The following LCORL variants were observed in gnomAD, a reference collection of about 807,000 sequenced individuals.
LCORL encodes the protein ligand-dependent nuclear receptor corepressor-like protein.
In LCORL, 41 loss-of-function variants were observed where a neutral mutation model predicts 141.8. The ratio of observed to expected loss-of-function variants is 0.29; its 90% CI spans 0.23 to 0.38. LCORL has a LOEUF of 0.38. LCORL is among the 10% of genes least tolerant of loss of function. LCORL has a pLI of 1.00. For synonymous variants in LCORL, 618 were observed against 694.1 expected, an observed-to-expected ratio of 0.89 and a Z score of 1.72; for missense variants, 1,759 against 2,035.0, an observed-to-expected ratio of 0.86 and a Z score of 2.61.
chr4:17,903,802 A>G (rs1230225722), intron 5 of LCORL, among the ~76,000 whole-genome samples: 1 of 152,056 alleles, frequency 6.6e-6, no homozygotes, highest in Non-Finnish European at 1.5e-5. Context: ...GAGGATGGAA[A>G]CTGACTTATG....
At chr4:17,927,386 T>G (rs1044369208) in intron 4 of LCORL, among the ~76,000 whole-genome samples, 1 of 152,232 alleles carries the variant, frequency 6.6e-6, no homozygotes, top group African/African-American at 2.4e-5. Context: ...GCTTTATTAT[T>G]CATGTATTCA....
chr4:17,875,682 T>A, exon 7 of LCORL: 1 of 1,231,342 alleles, frequency 8.1e-7, no homozygotes. Flanking sequence ...TTGATCAATT[T>A]TAGGCTTTGG....
At chr4:17,930,499 AC>A (rs981358186) in intron 4 of LCORL, among the ~76,000 whole-genome samples, 2 of 152,180 alleles carry the variant, frequency 1.3e-5, no homozygotes, top group African/African-American at 4.8e-5. Context: ...CTGGATTTAA[AC>A]CTAGGATATA....
chr4:17,967,866 C>CT (rs1161348942), intron 2 of LCORL, among the ~76,000 whole-genome samples: 26 of 143,682 alleles, frequency 1.8e-4, no homozygotes, highest in African/African-American at 3.3e-4. Flanking sequence ...CTTTTCTTTT[C>CT]TTTTTTTTTG....
intron 4 of LCORL, among the ~76,000 whole-genome samples, chr4:17,940,112 GTGTGTATATATATATGTATA>G (rs1737619783): frequency 1.6e-5 from 2 of 125,636 alleles, no homozygotes; most frequent in African/African-American, 4.1e-5. Flanking sequence ...AGATATATGT[GTGTGTATATATATATGTATA>G]TGTGTATATA....
chr4:17,874,590 T>C, exon 7 of LCORL: 1 of 1,233,768 alleles, frequency 8.1e-7, no homozygotes, highest in Non-Finnish European at 1.0e-6. Flanking sequence ...TTCAATGTGT[T>C]CTCTTTTTTT....
chr4:17,957,619 T>C (rs566903176), intron 4 of LCORL, among the ~76,000 whole-genome samples: 19 of 152,042 alleles, frequency 1.2e-4, no homozygotes, highest in Admixed American at 9.2e-4. Context: ...GACTTGCAAA[T>C]AAAAGGGAGA....
intron 1 of LCORL, among the ~76,000 whole-genome samples, chr4:17,997,483 TA>T (rs1240615944): frequency 6.6e-6 from 1 of 152,196 alleles, no homozygotes; most frequent in Non-Finnish European, 1.5e-5. Flanking sequence ...TTACTTAACA[TA>T]ATGCTTTTTC....
intron 4 of LCORL, among the ~76,000 whole-genome samples, chr4:17,939,559 TA>T (rs1456438105): frequency 7.2e-5 from 11 of 152,146 alleles, no homozygotes; most frequent in Non-Finnish European, 1.2e-4. Flanking sequence ...CTATTTATTA[TA>T]ACTCCTTTCA....
At chr4:17,875,774 T>C (rs1457044190) in exon 7 of LCORL, 60 of 1,231,034 alleles carry the variant, frequency 4.9e-5, no homozygotes, top group Non-Finnish European at 5.8e-5. Flanking sequence ...TTTTAAAAGA[T>C]GGATCAGTAG....
intron 4 of LCORL, among the ~76,000 whole-genome samples, chr4:17,951,111 C>T (rs987529013): frequency 2.0e-5 from 3 of 152,144 alleles, no homozygotes; most frequent in South Asian, 4.1e-4. Flanking sequence ...CAGCAATGGG[C>T]GCTAAAGCTC....
intron 1 of LCORL, among the ~76,000 whole-genome samples, chr4:18,011,215 G>A (rs943642247): frequency 2.0e-5 from 3 of 151,940 alleles, no homozygotes; most frequent in Non-Finnish European, 4.4e-5. Flanking sequence ...CTTTCTCCTT[G>A]TTTTATTTCT....
chr4:17,956,607 C>A, intron 4 of LCORL, among the ~76,000 whole-genome samples: 1 of 151,884 alleles, frequency 6.6e-6, no homozygotes, highest in Non-Finnish European at 1.5e-5. Flanking sequence ...AAAACGCTGA[C>A]CTCATAGAGG....
intron 4 of LCORL, among the ~76,000 whole-genome samples, chr4:17,921,696 T>C (rs932984916): frequency 6.6e-6 from 1 of 152,246 alleles, no homozygotes; most frequent in Admixed American, 6.5e-5. Context: ...GGATGCAAAG[T>C]ATTGTTCCTG....
rs775544332 is a variant in LCORL at position 17,998,964 on chromosome 4, C to CAAAAAAAA, written c.154+22626_154+22633dup. Among the ~76,000 whole-genome samples, 18 of 44,820 alleles carry CAAAAAAAA rather than the reference C, an allele frequency of 4.0e-4. 1 individual carries two copies. Among genetic ancestry groups the CAAAAAAAA allele is most frequent in the African/African-American group, 1.3e-3 (13 of 10,182 alleles). 29.4% of individuals were successfully genotyped at this position (44,820 alleles called of 152,430 possible). On this transcript the variant is annotated intron_variant, in intron 1 of 7. Coordinates refer to ENST00000635767, the Ensembl canonical transcript of LCORL. ...TGGGTGACAGAGTGAGACCCTGTCTCAAAAAAAAAAAAAAAAAAAAAATAT... is the reference window on the plus strand; with the variant it reads ...TGGGTGACAGAGTGAGACCCTGTCTCAAAAAAAAAAAAAAAAAAAAAAAAAAAAAATAT...
intron 6 of LCORL, among the ~76,000 whole-genome samples, 198 bp from the exon 7 acceptor site, chr4:17,878,411 A>T (rs918567506): frequency 1.3e-5 from 2 of 151,564 alleles, no homozygotes; most frequent in African/African-American, 2.4e-5. Context: ...ATGACAAAGT[A>T]TAAGTCAAAG....
intron 1 of LCORL, among the ~76,000 whole-genome samples, chr4:17,982,404 G>A (rs534141355): frequency 6.6e-6 from 1 of 152,256 alleles, no homozygotes; most frequent in East Asian, 1.9e-4. Context: ...CACCAACAGT[G>A]TGTAAGTGTT....
intron 1 of LCORL, among the ~76,000 whole-genome samples, chr4:18,005,406 AG>A (rs1722633974): frequency 6.6e-6 from 1 of 152,068 alleles, no homozygotes. Flanking sequence ...ACATGATGTA[AG>A]CTGTCAGTGG....
intron 1 of LCORL, among the ~76,000 whole-genome samples, chr4:18,006,656 T>C (rs1274002193): frequency 1.3e-5 from 2 of 152,146 alleles, no homozygotes; most frequent in African/African-American, 2.4e-5. Flanking sequence ...AGAGAGCTTG[T>C]GCAGGGAAAG....
Sources: allele counts gnomAD v4.1 joint callset (sites outside exome capture counted in the v4.1 genomes callset), GRCh38; gene constraint gnomAD v4.1.1; transcripts MANE v1.5; gene names NCBI Gene and HGNC (gene_info 2026-07-23, HGNC 2026-07-21).